The following CCDC172 variants were observed in gnomAD, a reference collection of about 807,000 sequenced individuals.
The protein encoded by CCDC172 is coiled-coil domain containing 172.
In CCDC172, 30 loss-of-function variants were observed where a neutral mutation model predicts 38.0. The observed-to-expected ratio is 0.79, with a 90% CI of 0.59 to 1.07. The LOEUF (loss-of-function observed/expected upper bound fraction) is 1.07, where lower values mean the gene tolerates loss of function less well. CCDC172 is among the 50% of genes least tolerant of loss of function. CCDC172 has a pLI of 0.00. For synonymous variants in CCDC172, 78 were observed against 88.3 expected, an observed-to-expected ratio of 0.88 and a Z score of 0.66; for missense variants, 297 against 290.1, an observed-to-expected ratio of 1.02 and a Z score of -0.17.
chr10:116,372,466 C>T (rs774593124), intron 7 of CCDC172, among the ~76,000 whole-genome samples: 1 of 152,088 alleles, frequency 6.6e-6, no homozygotes, highest in Non-Finnish European at 1.5e-5. Flanking sequence ...TACTCAGTGC[C>T]TGCGTTCCAG....
chr10:116,337,397 G>A (rs1441319237), intron 3 of CCDC172, among the ~76,000 whole-genome samples: 3 of 151,960 alleles, frequency 2.0e-5, no homozygotes, highest in South Asian at 2.1e-4. Flanking sequence ...TGATCCACCC[G>A]TCTCGGCCTC....
chr10:116,340,295 AT>A (rs1267272898), intron 3 of CCDC172, among the ~76,000 whole-genome samples: 1 of 151,840 alleles, frequency 6.6e-6, no homozygotes, highest in African/African-American at 2.4e-5. Flanking sequence ...TGCTTTGCAG[AT>A]TTTATCTTAT....
intron 7 of CCDC172, among the ~76,000 whole-genome samples, 161 bp downstream of exon 7, chr10:116,358,099 C>A (rs1346228177): frequency 3.9e-5 from 6 of 152,040 alleles, no homozygotes; most frequent in African/African-American, 1.4e-4. Context: ...GGAAACACTT[C>A]AGGGCCTAGA....
rs745532846 is a variant in CCDC172, at chr10:116,378,427, A to G, written c.658A>G (p.Lys220Glu). The G allele has an allele frequency of 3.1e-6, 5 of 1,588,418 alleles. No individual in the cohort carries two copies. In the African/African-American group the frequency reaches 4.1e-5, roughly 13 times the overall value. ...TGAAATTTTCTTTTAAAATAGACTT[A>G]AAAAAGAATTAGAACTTTATAAGGA... is the stretch of plus-strand genomic sequence containing the variant. ...PQNDTECLRL[K>E]KELELYKEDD... Residue 220 changes from lysine to glutamate, a missense_variant, in exon 8 of 9, where the codon AAA (lysine) becomes GAA (glutamate). Lys to Glu is a moderately conservative substitution (Grantham distance 56). Coordinates refer to ENST00000333254, the MANE Select transcript of CCDC172 (RefSeq NM_198515.3).
chr10:116,350,857 A>T (rs1382532907), intron 5 of CCDC172, among the ~76,000 whole-genome samples: 1 of 152,184 alleles, frequency 6.6e-6, no homozygotes, highest in South Asian at 2.1e-4. Context: ...GGAAGAAATT[A>T]AAAAGTGATT....
intron 7 of CCDC172, among the ~76,000 whole-genome samples, chr10:116,366,790 T>G (rs1248381625): frequency 6.6e-6 from 1 of 152,238 alleles, no homozygotes; most frequent in African/African-American, 2.4e-5. Flanking sequence ...TAGCACATTA[T>G]GAAATTTCCT....
At chr10:116,325,793 A>C (rs1589944660) in intron 3 of CCDC172, among the ~76,000 whole-genome samples, 1 of 152,336 alleles carries the variant, frequency 6.6e-6, no homozygotes, top group Non-Finnish European at 1.5e-5. Flanking sequence ...CCCTGCCTTT[A>C]GTTTTAAAAG....
At position 116,326,625 on chromosome 10, in the gene CCDC172, T is replaced by C. The variant is rs1159377151; in HGVS notation, c.165+1237T>C. Among the ~76,000 whole-genome samples, 3 of 152,292 alleles carry C rather than the reference T, an allele frequency of 2.0e-5. No homozygotes were observed. The East Asian group carries it at 5.8e-4, about 29-fold the overall frequency. Reference sequence around the variant, plus strand: ...TATACAATATTTATTATTTATACAATAAAGACATCTTGGTAAAATTTTAAA... The same window carrying C: ...TATACAATATTTATTATTTATACAACAAAGACATCTTGGTAAAATTTTAAA... On this transcript the variant is annotated intron_variant, in intron 3 of 8. Transcript: ENST00000333254.
rs1450752707 is a variant in CCDC172 at position 116,378,521 on chromosome 10, A to G, written c.741+11A>G. 3 of 1,588,754 alleles carry G rather than the reference A, an allele frequency of 1.9e-6. No individual in the cohort carries two copies. Among genetic ancestry groups the G allele is most frequent in the Non-Finnish European group, 2.6e-6 (3 of 1,164,212 alleles). On this transcript the variant is annotated intron_variant, in intron 8 of 8. Coordinates refer to ENST00000333254, the MANE Select transcript of CCDC172 (RefSeq NM_198515.3). The stretch of plus-strand genomic sequence containing the variant: ...GAATTTTTGGAGTTGGTAAGTTATC[A>G]TTGATTGTTTAACTTTTGTTCAGCA...
chr10:116,367,036 T>C (rs1419960890), intron 7 of CCDC172, among the ~76,000 whole-genome samples: 1 of 152,168 alleles, frequency 6.6e-6, no homozygotes, highest in Non-Finnish European at 1.5e-5. Flanking sequence ...AGTTTTAAAG[T>C]TTTGCTCTTT....
intron 3 of CCDC172, among the ~76,000 whole-genome samples, chr10:116,333,289 C>T (rs1844688945): frequency 6.6e-6 from 1 of 152,012 alleles, no homozygotes; most frequent in South Asian, 2.1e-4. Flanking sequence ...TTCTCATTTT[C>T]TTGAATACTG....
At chr10:116,340,232 A>G (rs1406878004) in intron 3 of CCDC172, among the ~76,000 whole-genome samples, 1 of 151,934 alleles carries the variant, frequency 6.6e-6, no homozygotes, top group East Asian at 1.9e-4. Context: ...GGTCTTTAGC[A>G]GACTCGTTTT....
chr10:116,332,698 G>A (rs2134907525), intron 3 of CCDC172, among the ~76,000 whole-genome samples: 1 of 151,630 alleles, frequency 6.6e-6, no homozygotes, highest in Middle Eastern at 3.4e-3. Context: ...TTGCTTTTAT[G>A]ATTTTAAACA....
intron 7 of CCDC172, among the ~76,000 whole-genome samples, chr10:116,368,530 A>G (rs1365626141): frequency 1.3e-5 from 2 of 151,602 alleles, no homozygotes; most frequent in African/African-American, 4.8e-5. Flanking sequence ...TGATACCCCA[A>G]TTTTCCCAAA....
intron 7 of CCDC172, among the ~76,000 whole-genome samples, chr10:116,365,694 C>A (rs895187157): frequency 1.3e-5 from 2 of 152,120 alleles, no homozygotes; most frequent in Non-Finnish European, 2.9e-5. Flanking sequence ...TCAGACAGAA[C>A]ACAGTGAACT....
intron 3 of CCDC172, among the ~76,000 whole-genome samples, chr10:116,330,294 G>A (rs10885908): frequency 0.33 from 50,255 of 152,028 alleles, 9,655 homozygotes; most frequent in Non-Finnish European, 0.44. Context: ...TGGTGAGTTC[G>A]TTAGTGATAT....
chr10:116,335,825 CT>C (rs897438257), intron 3 of CCDC172, among the ~76,000 whole-genome samples: 2 of 151,772 alleles, frequency 1.3e-5, no homozygotes, highest in African/African-American at 2.4e-5. Flanking sequence ...TTACTAAACC[CT>C]TTTTTTTATT....
chr10:116,330,211 C>A (rs2134903495), intron 3 of CCDC172, among the ~76,000 whole-genome samples: 1 of 152,260 alleles, frequency 6.6e-6, no homozygotes, highest in Non-Finnish European at 1.5e-5. Flanking sequence ...AGCTTTCAAA[C>A]AAAAATTAGA....
At chr10:116,325,435 T>G in intron 3 of CCDC172, 47 bp downstream of exon 3, 1 of 1,454,716 alleles carries the variant, frequency 6.9e-7, no homozygotes, top group South Asian at 1.2e-5. Context: ...AAAGCCTGCC[T>G]TAACTTGACT....
Sources: gnomAD v4.1 joint callset for allele counts (sites outside exome capture counted in the v4.1 genomes callset) on GRCh38, gnomAD v4.1.1 for gene constraint, MANE v1.5 for transcripts, NCBI Gene and HGNC (gene_info 2026-07-23, HGNC 2026-07-21) for gene names.